TP53INP2: variants seen among roughly 807,000 people sequenced by gnomAD.
TP53INP2 encodes tumor protein p53 inducible nuclear protein 2, also known as tumor protein p53-inducible nuclear protein 2.
Under a neutral mutation model 17.1 loss-of-function variants are expected in TP53INP2, and 12 were observed. The observed-to-expected ratio is 0.70, with a 90% CI of 0.45 to 1.14. The LOEUF (loss-of-function observed/expected upper bound fraction) is 1.14, where lower values mean the gene tolerates loss of function less well. Ranked by LOEUF, TP53INP2 falls within the 50% of genes most tolerant of loss-of-function variation. The pLI, the probability that TP53INP2 is intolerant of heterozygous loss-of-function variation, is 0.00. For missense variants in TP53INP2, 342 were observed against 330.9 expected, an observed-to-expected ratio of 1.03 and a Z score of -0.26; for synonymous variants, 145 against 147.3, an observed-to-expected ratio of 0.98 and a Z score of 0.12.
At position 34,711,585 on chromosome 20, in the gene TP53INP2, CTCTT is replaced by C. The variant is rs1166699741; in HGVS notation, c.*1286_*1289del. 2 of 152,202 alleles carry C rather than the reference CTCTT, an allele frequency of 1.3e-5. No individual in the cohort carries two copies. Among genetic ancestry groups the C allele is most frequent in the African/African-American group, 2.4e-5 (1 of 41,452 alleles). 9.4% of individuals were successfully genotyped at this position (152,202 alleles called of 1,614,324 possible). ...TCTTTTCATTTTCTCCCACAGGCCT[CTCTT>C]TCTTTCTAGGTTGCTGGGGAGAAAT... On this transcript the variant is annotated 3_prime_UTR_variant, in exon 5 of 5. Coordinates refer to ENST00000374810, the MANE Select transcript of TP53INP2 (RefSeq NM_021202.3). The surrounding 1 kb of genome is among the most constrained non-coding windows in gnomAD (Gnocchi z 4.1).
Position 34,710,177 on chromosome 20 carries a change from G to A in TP53INP2, c.533G>A (p.Arg178Gln). 2 of 1,364,196 alleles carry A rather than the reference G, an allele frequency of 1.5e-6. No individual in the cohort carries two copies. Among genetic ancestry groups the A allele is most frequent in the East Asian group, 3.0e-5 (1 of 33,604 alleles). 84.5% of individuals were successfully genotyped at this position (1,364,196 alleles called of 1,614,324 possible). A position where few individuals can be genotyped will look rare whatever the true frequency, so the allele number is the denominator to read the frequency against. The change falls in exon 5 of 5, where the codon CGG becomes CAG. Residue 178 changes from arginine (R) to glutamine (Q), a missense_variant. Transcript: ENST00000374810. The surrounding 1 kb of genome is among the most constrained non-coding windows in gnomAD (Gnocchi z 4.9). ...CGGCGGCTGCAGCGGGCCCGGCAGC[G>A]GGCAGAGCGCCACGCGCTGAGCGCC... ...QVRRLQRARQ[R>Q]AERHALSAKA...
Position 34,709,061 on chromosome 20 carries a change from G to A in TP53INP2, c.125-175G>A, listed in dbSNP as rs961579961. 6.6e-6 allele frequency among the ~76,000 whole-genome samples: 1 copy of A among 152,080 alleles called. No homozygotes were observed. The highest frequency in any genetic ancestry group is 2.4e-5 in the African/African-American group (1 of 41,448). ...AGGCCCGCACGTCAGGTCCCCTAGG[G>A]CAGCAGGGCGAGACGCCTGGCCCGT... On this transcript the variant is annotated intron_variant, in intron 3 of 4. Coordinates refer to ENST00000374810, the MANE Select transcript of TP53INP2 (RefSeq NM_021202.3). The surrounding 1 kb of genome is among the most constrained non-coding windows in gnomAD (Gnocchi z 5.4).
At chr20:34,706,930 G>A (rs1319695856) in intron 2 of TP53INP2, among the ~76,000 whole-genome samples, 1 of 152,112 alleles carries the variant, frequency 6.6e-6, no homozygotes, top group Non-Finnish European at 1.5e-5. Flanking sequence ...AGTCAGTCAG[G>A]CTTCAGGTAC....
At position 34,709,482 on chromosome 20, in the gene TP53INP2, C is replaced by G; in HGVS notation, c.371C>G (p.Pro124Arg). The change falls in exon 4 of 5, where the codon CCG (proline) becomes CGG (arginine). Residue 124 changes from proline (P) to arginine (R), a missense_variant. Transcript: ENST00000374810. This position sits in a 1 kb window ranked among gnomAD's most constrained non-coding sequence, Gnocchi z 5.4. ...GTGCTAGAGCCCGGGTCCCCTTCCC[C>G]GCTCCCGGACGCGGCCCTGCCTGAC... The part of the protein sequence containing the change: ...TIVLEPGSPS[P>R]LPDAALPDGD... 6.2e-7 allele frequency: 1 copy of G among 1,612,278 alleles called. No homozygotes were observed. Among genetic ancestry groups the G allele is most frequent in the Non-Finnish European group, 8.5e-7 (1 of 1,179,826 alleles).
At chr20:34,708,975 G>A (rs1333877239) in intron 3 of TP53INP2, 112 bp downstream of exon 3, 5 of 1,485,930 alleles carry the variant, frequency 3.4e-6, no homozygotes, top group Non-Finnish European at 4.5e-6. Flanking sequence ...AAGCCTACTG[G>A]AGGTGGGGTC....
rs1188055581 is a variant in TP53INP2 at position 34,708,690 on chromosome 20, G to T, written c.-49-1G>T. On this transcript the variant is annotated splice_acceptor_variant, in intron 2 of 4. Coordinates refer to ENST00000374810, the MANE Select transcript of TP53INP2 (RefSeq NM_021202.3). LOFTEE classifies it low-confidence loss of function (5UTR_SPLICE). ...GGCTCTCACGTCCTTCTGATTCCCA[G>T]GTTTTTGCACTGCCATAGGGCGCCC... 6.5e-7 allele frequency: 1 copy of T among 1,541,046 alleles called. No individual in the cohort carries two copies.
intron 1 of TP53INP2, among the ~76,000 whole-genome samples, chr20:34,705,064 G>T (rs1987977691): frequency 6.6e-6 from 1 of 152,222 alleles, no homozygotes; most frequent in Non-Finnish European, 1.5e-5. Flanking sequence ...TGATTTGTGT[G>T]CAGCGCCTTA....
chr20:34,709,408 C>T lies in TP53INP2; in HGVS notation c.297C>T (p.Leu99=), dbSNP rs1988100185. Residue 99 remains leucine, a synonymous_variant, in exon 4 of 5, where the codon CTC becomes CTT. Coordinates refer to ENST00000374810, the MANE Select transcript of TP53INP2 (RefSeq NM_021202.3). This position sits in a 1 kb window ranked among gnomAD's most constrained non-coding sequence, Gnocchi z 5.4. Reference sequence around the variant, plus strand: ...TCCAGAGCAGTCCCCTGGAGGACCTCCTCATCGAGCACCCCAGCATGTCCG... The same window carrying T: ...TCCAGAGCAGTCCCCTGGAGGACCTTCTCATCGAGCACCCCAGCATGTCCG... The part of the protein sequence containing the change: ...ARLQSSPLED[L]LIEHPSMSVY... 1 of 1,613,816 alleles carries T rather than the reference C, an allele frequency of 6.2e-7. No individual in the cohort carries two copies. Among genetic ancestry groups the T allele is most frequent in the East Asian group, 2.2e-5 (1 of 44,858 alleles).
chr20:34,708,788 G>A lies in TP53INP2; in HGVS notation c.49G>A (p.Glu17Lys), dbSNP rs770387923. 6.2e-7 allele frequency: 1 copy of A among 1,609,912 alleles called. No homozygotes were observed. Among genetic ancestry groups the A allele is most frequent in the Non-Finnish European group, 8.5e-7 (1 of 1,178,322 alleles). ...SLFFSTPSPP[E>K]DPDCPRAFVS... Reference sequence around the variant, plus strand: ...CTTCTTCAGCACCCCCTCGCCCCCCGAAGACCCCGACTGCCCCCGCGCCTT... The same window carrying A: ...CTTCTTCAGCACCCCCTCGCCCCCCAAAGACCCCGACTGCCCCCGCGCCTT... Residue 17 changes from glutamate (E) to lysine (K), a missense_variant, in exon 3 of 5, where the codon GAA becomes AAA. Coordinates refer to ENST00000374810, the MANE Select transcript of TP53INP2 (RefSeq NM_021202.3).
rs780666422 is a variant in TP53INP2 at position 34,708,845 on chromosome 20, C to T, written c.106C>T (p.Leu36Phe). The T allele has an allele frequency of 3.7e-6, 6 of 1,613,544 alleles. No individual in the cohort carries two copies. Among genetic ancestry groups the T allele is most frequent in the Non-Finnish European group, 4.2e-6 (5 of 1,179,682 alleles). Residue 36 changes from leucine to phenylalanine, a missense_variant, in exon 3 of 5, where the codon CTC becomes TTC. Physicochemically the swap from Leu to Phe is conservative, Grantham distance 22. Transcript: ENST00000374810. The stretch of plus-strand genomic sequence containing the variant: ...GGAGGAGGATGAAGTGGACGGCTGG[C>T]TCATCATTGACCTGCCGGGTGAGGC... ...VSEEDEVDGW[L>F]IIDLPDSYAA... is the part of the protein sequence containing the mutation.
rs1198691530 is a variant in TP53INP2, at chr20:34,710,403, A to G, written c.*96A>G. 2 of 1,222,240 alleles carry G rather than the reference A, an allele frequency of 1.6e-6. No homozygotes were observed. The highest frequency in any genetic ancestry group is 2.1e-6 in the Non-Finnish European group (2 of 970,670). 75.7% of individuals were successfully genotyped at this position (1,222,240 alleles called of 1,614,324 possible). Reference sequence around the variant, plus strand: ...TGGACACCGAAACCTCCCTTCTTAAAGCGTGTGAGGTTGGGTGATAGCCGT... The same window carrying G: ...TGGACACCGAAACCTCCCTTCTTAAGGCGTGTGAGGTTGGGTGATAGCCGT... On this transcript the variant is annotated 3_prime_UTR_variant, in exon 5 of 5. Coordinates refer to ENST00000374810, the MANE Select transcript of TP53INP2 (RefSeq NM_021202.3). This position sits in a 1 kb window ranked among gnomAD's most constrained non-coding sequence, Gnocchi z 4.9.
intron 2 of TP53INP2, among the ~76,000 whole-genome samples, chr20:34,706,933 T>G (rs1455415646): frequency 6.6e-6 from 1 of 152,134 alleles, no homozygotes; most frequent in Non-Finnish European, 1.5e-5. Context: ...CAGTCAGGCT[T>G]CAGGTACTGG....
chr20:34,709,267 C>G lies in TP53INP2; in HGVS notation c.156C>G (p.Ala52=). ...ACGCGGCTCCACCCAGCCCCGGGGC[C>G]GCCCCTGCCCCCGCGGGCCGCCCTC... ...DSYAAPPSPG[A]APAPAGRPPP... Residue 52 remains alanine (A), a synonymous_variant, in exon 4 of 5, where the codon GCC becomes GCG. Transcript: ENST00000374810. This position sits in a 1 kb window ranked among gnomAD's most constrained non-coding sequence, Gnocchi z 5.4. 1 of 1,590,562 alleles carries G rather than the reference C, an allele frequency of 6.3e-7. No individual in the cohort carries two copies. The highest frequency in any genetic ancestry group is 1.1e-5 in the South Asian group (1 of 88,972).
Position 34,710,424 on chromosome 20 carries a change from GC to G in TP53INP2, c.*119del, listed in dbSNP as rs1444484681. Reference sequence around the variant, plus strand: ...TTAAAGCGTGTGAGGTTGGGTGATAGCCGTTCCTTCCCCGACACCCTCAATT... The same window carrying G: ...TTAAAGCGTGTGAGGTTGGGTGATAGCGTTCCTTCCCCGACACCCTCAATT... On this transcript the variant is annotated 3_prime_UTR_variant, in exon 5 of 5. Transcript: ENST00000374810. The surrounding 1 kb of genome is among the most constrained non-coding windows in gnomAD (Gnocchi z 4.9). The G allele has an allele frequency of 1.7e-6, 2 of 1,146,760 alleles. No homozygotes were observed. The highest frequency in any genetic ancestry group is 8.5e-5 in the Admixed American group (2 of 23,522). The allele number at this position is 1,146,760 out of a possible 1,614,324, so 71.0% of individuals were successfully genotyped here. A position where few individuals can be genotyped will look rare whatever the true frequency, so the allele number is the denominator to read the frequency against.
chr20:34,710,074 C>CGCCGCGA lies in TP53INP2; in HGVS notation c.437_443dup (p.Arg151GlyfsTer105). On this transcript the variant is annotated frameshift_variant, in exon 5 of 5. Transcript: ENST00000374810. LOFTEE classifies it high-confidence loss of function. This position sits in a 1 kb window ranked among gnomAD's most constrained non-coding sequence, Gnocchi z 4.9. The stretch of plus-strand genomic sequence containing the variant: ...TCCTCACAGGGAATTGACGCCCGCC[C>CGCCGCGA]GCCGCGAGCCGCGGGCCGCGCGCCA... 7.9e-7 allele frequency: 1 copy of CGCCGCGA among 1,265,588 alleles called. No homozygotes were observed. The highest frequency in any genetic ancestry group is 9.9e-7 in the Non-Finnish European group (1 of 1,010,960). The allele number at this position is 1,265,588 out of a possible 1,614,324, so 78.4% of individuals were successfully genotyped here. A position where few individuals can be genotyped will look rare whatever the true frequency, so the allele number is the denominator to read the frequency against.
chr20:34,710,084 C>A lies in TP53INP2; in HGVS notation c.440C>A (p.Pro147Gln). Residue 147 changes from proline (P) to glutamine (Q), a missense_variant, in exon 5 of 5, where the codon CCG (proline) becomes CAG (glutamine). Coordinates refer to ENST00000374810, the MANE Select transcript of TP53INP2 (RefSeq NM_021202.3). The surrounding 1 kb of genome is among the most constrained non-coding windows in gnomAD (Gnocchi z 4.9). ...GAATTGACGCCCGCCCGCCGCGAGC[C>A]GCGGGCCGCGCGCCACGCCGCTCCT... Reference protein sequence around the residue: ...EGELTPARREPRAARHAAPLP... With the variant: ...EGELTPARREQRAARHAAPLP... The A allele has an allele frequency of 7.8e-7, 1 of 1,276,402 alleles. No homozygotes were observed. The allele number at this position is 1,276,402 out of a possible 1,614,324, so 79.1% of individuals were successfully genotyped here. A position where few individuals can be genotyped will look rare whatever the true frequency, so the allele number is the denominator to read the frequency against.
chr20:34,708,168 G>C (rs1988043571), intron 2 of TP53INP2, among the ~76,000 whole-genome samples: 1 of 152,184 alleles, frequency 6.6e-6, no homozygotes, highest in Admixed American at 6.5e-5. Context: ...ATTCTCTGGA[G>C]ACCTTCCCTG....
intron 1 of TP53INP2, among the ~76,000 whole-genome samples, chr20:34,705,104 G>C (rs575694827): frequency 6.6e-6 from 1 of 152,298 alleles, no homozygotes; most frequent in East Asian, 1.9e-4. Flanking sequence ...CCAAAATGAA[G>C]GGTCTTAGAC....
At chr20:34,706,732 G>C (rs1988012772) in intron 2 of TP53INP2, among the ~76,000 whole-genome samples, 1 of 152,206 alleles carries the variant, frequency 6.6e-6, no homozygotes, top group Non-Finnish European at 1.5e-5. Context: ...CATTTCTAGG[G>C]AATGGGGGAG....
Sources: gnomAD v4.1 joint callset for allele counts (sites outside exome capture counted in the v4.1 genomes callset) on GRCh38, gnomAD v4.1.1 for gene constraint, Gnocchi (gnomAD v3.1) non-coding constraint, MANE v1.5 for transcripts, NCBI Gene and HGNC (gene_info 2026-07-23, HGNC 2026-07-21) for gene names.